ABCB5: variants seen among roughly 807,000 people sequenced by gnomAD.
ABCB5 encodes ATP-binding cassette sub-family B member 5.
ABCB5 carries 155 observed loss-of-function variants against 144.2 expected under a neutral mutation model. The observed-to-expected ratio is 1.08, with a 90% confidence interval of 0.94 to 1.23. The LOEUF is 1.23. Ranked by LOEUF, ABCB5 falls within the 50% of genes most tolerant of loss-of-function variation. The probability of loss-of-function intolerance (pLI) is 0.00; values close to 1 mark genes in which losing one functional copy is unlikely to be tolerated. For synonymous variants in ABCB5, 610 were observed against 528.6 expected, an observed-to-expected ratio of 1.15 and a Z score of -2.11; for missense variants, 1,830 against 1,520.8, an observed-to-expected ratio of 1.20 and a Z score of -3.38.
At position 20,621,469 on chromosome 7, in the gene ABCB5, C is replaced by G. The variant is rs181051900; in HGVS notation, c.-21-1796C>G. Among the ~76,000 whole-genome samples, 5 of 152,202 alleles carry G rather than the reference C, an allele frequency of 3.3e-5. No homozygotes were observed. The East Asian group carries it at 5.8e-4, about 18-fold the overall frequency. Reference sequence around the variant, plus strand: ...GTCTAGGCTGGTGCCTATGCTGCTGCTCTTGGGACCATTCTGAGTAGTAAG... The same window carrying G: ...GTCTAGGCTGGTGCCTATGCTGCTGGTCTTGGGACCATTCTGAGTAGTAAG... On this transcript the variant is annotated intron_variant, in intron 1 of 27. Transcript: ENST00000404938.
At chr7:20,720,736 G>C (rs1349571218) in intron 20 of ABCB5, among the ~76,000 whole-genome samples, 7 of 151,974 alleles carry the variant, frequency 4.6e-5, no homozygotes, top group Non-Finnish European at 1.0e-4. Flanking sequence ...ACGAGGTCAG[G>C]AGATCGAGAC....
At chr7:20,694,592 T>C (rs1786345075) in intron 16 of ABCB5, among the ~76,000 whole-genome samples, 1 of 152,030 alleles carries the variant, frequency 6.6e-6, no homozygotes, top group African/African-American at 2.4e-5. Flanking sequence ...AGTTCTGGCC[T>C]GTTCAATAAG....
At chr7:20,753,241 T>A (rs928416476) in intron 26 of ABCB5, 119 bp from the exon 27 acceptor site, 61 of 1,249,434 alleles carry the variant, frequency 4.9e-5, no homozygotes, top group Non-Finnish European at 6.4e-5. Flanking sequence ...CAACATTTGT[T>A]GGGACACAAA....
At chr7:20,715,163 G>A (rs374139791) in intron 20 of ABCB5, among the ~76,000 whole-genome samples, 2 of 152,060 alleles carry the variant, frequency 1.3e-5, no homozygotes, top group East Asian at 3.9e-4. Context: ...TCCTGCCTCA[G>A]CCTCTTAAGT....
At chr7:20,648,586 ATG>A (rs1270550138) in intron 11 of ABCB5, among the ~76,000 whole-genome samples, 2 of 152,154 alleles carry the variant, frequency 1.3e-5, no homozygotes, top group Non-Finnish European at 2.9e-5. Context: ...TCTTGTGAAA[ATG>A]TGTGTCTTTT....
chr7:20,739,097 G>GA lies in ABCB5; in HGVS notation c.2985dup (p.Pro996ThrfsTer17). ...CGCATCTGTTTGCCTTGTTGGAAAAGAAACCAAATATAGACAGCCGCAGTC... is the reference window on the plus strand; with the variant it reads ...CGCATCTGTTTGCCTTGTTGGAAAAGAAAACCAAATATAGACAGCCGCAGTC... On this transcript the variant is annotated frameshift_variant, in exon 24 of 28. Transcript: ENST00000404938. LOFTEE classifies it high-confidence loss of function. 6.2e-7 allele frequency: 1 copy of GA among 1,609,278 alleles called. No individual in the cohort carries two copies. The highest frequency in any genetic ancestry group is 8.5e-7 in the Non-Finnish European group (1 of 1,177,908).
intron 20 of ABCB5, among the ~76,000 whole-genome samples, chr7:20,715,726 C>CTTT (rs374393822): frequency 7.2e-6 from 1 of 138,772 alleles, no homozygotes; most frequent in African/African-American, 2.7e-5. Context: ...GAGCTATAAT[C>CTTT]TTTTTTTTTT....
chr7:20,744,464 A>AC (rs2128055764), intron 25 of ABCB5, among the ~76,000 whole-genome samples: 1 of 150,592 alleles, frequency 6.6e-6, no homozygotes, highest in East Asian at 2.0e-4. Flanking sequence ...TTCTTGTACA[A>AC]CCCCCTTCTC....
chr7:20,725,103 T>C (rs1781993890), intron 21 of ABCB5, among the ~76,000 whole-genome samples: 1 of 152,250 alleles, frequency 6.6e-6, no homozygotes, highest in African/African-American at 2.4e-5. Context: ...TTATGTATCA[T>C]TAGAGCAACC....
At chr7:20,663,443 GAATA>G (rs1785068299) in intron 14 of ABCB5, among the ~76,000 whole-genome samples, 2 of 152,150 alleles carry the variant, frequency 1.3e-5, no homozygotes, top group Admixed American at 6.6e-5. Context: ...GCTAAAACAT[GAATA>G]AACCTTGAAG....
intron 14 of ABCB5, chr7:20,667,091 G>C (rs1785223557): frequency 1.7e-6 from 1 of 579,922 alleles, no homozygotes; most frequent in South Asian, 8.1e-5. Flanking sequence ...AGTACATGTA[G>C]GCCCATTTTA....
chr7:20,693,034 T>C (rs1354176243), intron 16 of ABCB5, among the ~76,000 whole-genome samples: 1 of 152,130 alleles, frequency 6.6e-6, no homozygotes, highest in Non-Finnish European at 1.5e-5. Context: ...CTAATAAACA[T>C]TTGTAGAAGA....
rs754109371 is a variant in ABCB5 at position 20,743,046 on chromosome 7, G to A, written c.3194G>A (p.Arg1065Lys). ...GKSTSVQLLQ[R>K]LYDPVQGQVL... ...AGCACTTCTGTTCAACTTCTGCAGA[G>A]ACTTTATGACCCCGTGCAAGGACAA... Residue 1065 changes from arginine to lysine, a missense_variant, in exon 25 of 28, where the codon AGA becomes AAA. Transcript: ENST00000404938. 6.2e-7 allele frequency: 1 copy of A among 1,614,062 alleles called. No homozygotes were observed. The highest frequency in any genetic ancestry group is 1.1e-5 in the South Asian group (1 of 91,070).
chr7:20,660,008 T>A, intron 14 of ABCB5: 1 of 985,508 alleles, frequency 1.0e-6, no homozygotes, highest in Non-Finnish European at 1.2e-6. Flanking sequence ...TTAAAAAATG[T>A]ATTGTAATAG....
chr7:20,739,475 A>G (rs1583462793), intron 24 of ABCB5, among the ~76,000 whole-genome samples: 1 of 152,364 alleles, frequency 6.6e-6, no homozygotes. Flanking sequence ...ATAGTAACAT[A>G]AAGAGTTAAA....
chr7:20,666,786 A>G, intron 14 of ABCB5: 1 of 1,597,252 alleles, frequency 6.3e-7, no homozygotes, highest in Non-Finnish European at 8.5e-7. Context: ...AGACGTATTG[A>G]TAATCTACCA....
chr7:20,647,725 C>T (rs1448989416), intron 10 of ABCB5, 77 bp downstream of exon 10: 1 of 1,519,084 alleles, frequency 6.6e-7, no homozygotes, highest in Non-Finnish European at 8.8e-7. Flanking sequence ...CCCTCATTTT[C>T]ACTAAAACAA....
intron 20 of ABCB5, among the ~76,000 whole-genome samples, chr7:20,717,684 G>A (rs1781720237): frequency 6.6e-6 from 1 of 151,518 alleles, no homozygotes; most frequent in African/African-American, 2.4e-5. Flanking sequence ...TGATCTGCCC[G>A]CCTCGGCCTC....
At chr7:20,623,164 T>C in intron 1 of ABCB5, 101 bp from the exon 2 acceptor site, 2 of 742,924 alleles carry the variant, frequency 2.7e-6, no homozygotes, top group South Asian at 3.7e-5. Flanking sequence ...AGATGCTTCC[T>C]TTTTCAAACT....
Sources: allele counts gnomAD v4.1 joint callset (sites outside exome capture counted in the v4.1 genomes callset), GRCh38; gene constraint gnomAD v4.1.1; transcripts MANE v1.5; gene names NCBI Gene and HGNC (gene_info 2026-07-23, HGNC 2026-07-21).